Variants in SPATA17 observed in about 807,000 individuals in gnomAD.
SPATA17 encodes spermatogenesis-associated protein 17.
In SPATA17, 53 loss-of-function variants were observed where a neutral mutation model predicts 62.2. The ratio of observed to expected loss-of-function variants is 0.85; its 90% confidence interval spans 0.68 to 1.07. SPATA17 has a LOEUF of 1.07. SPATA17 is among the 50% of genes least tolerant of loss of function. The pLI, the probability that SPATA17 is intolerant of heterozygous loss-of-function variation, is 0.00. For synonymous variants in SPATA17, 146 were observed against 146.8 expected (o/e 0.99, Z 0.04); for missense variants, 466 against 425.5 (o/e 1.10, Z -0.84).
intron 6 of SPATA17, among the ~76,000 whole-genome samples, chr1:217,758,648 T>C (rs1558038582): frequency 6.6e-6 from 1 of 152,300 alleles, no homozygotes; most frequent in East Asian, 1.9e-4. Context: ...CCAGTGGGTA[T>C]GGCAAGATGA....
At chr1:217,658,443 T>C (rs1670488436) in intron 3 of SPATA17, among the ~76,000 whole-genome samples, 1 of 152,150 alleles carries the variant, frequency 6.6e-6, no homozygotes, top group African/African-American at 2.4e-5. Flanking sequence ...ATGAGCCAAA[T>C]TGACCTCTTT....
rs542194675 is a variant in SPATA17, at chr1:217,722,390, C to T, written c.396-19585C>T. On this transcript the variant is annotated intron_variant, in intron 5 of 10. Transcript: ENST00000366933. ...ATATATTTAGGAAACTTATTTATAT[C>T]GGCTCCACATTATTTTCTGTAACTT... 1.1e-4 allele frequency among the ~76,000 whole-genome samples: 17 copies of T among 151,690 alleles called. 1 individual carries two copies. Among genetic ancestry groups the T allele is most frequent in the South Asian group, 6.3e-4 (3 of 4,794 alleles).
chr1:217,687,481 T>C (rs1311626139), intron 5 of SPATA17, among the ~76,000 whole-genome samples: 1 of 152,232 alleles, frequency 6.6e-6, no homozygotes. Flanking sequence ...GTACGACATT[T>C]ATGACAGTGG....
intron 5 of SPATA17, among the ~76,000 whole-genome samples, chr1:217,710,433 G>A (rs188332407): frequency 2.8e-4 from 42 of 152,174 alleles, no homozygotes; most frequent in Admixed American, 2.4e-3. Context: ...TAAGATCAGT[G>A]TAATATATTC....
chr1:217,862,167 G>C (rs1253190001), intron 9 of SPATA17, among the ~76,000 whole-genome samples: 2 of 151,746 alleles, frequency 1.3e-5, no homozygotes, highest in African/African-American at 4.8e-5. Context: ...TTTGTTTACA[G>C]CATTCATTGT....
chr1:217,820,066 A>G (rs1019064913), intron 9 of SPATA17, among the ~76,000 whole-genome samples: 20 of 152,076 alleles, frequency 1.3e-4, no homozygotes, highest in African/African-American at 4.8e-4. Flanking sequence ...TGCAGACAAT[A>G]TGGACTTTCA....
chr1:217,831,914 CAT>C (rs1675152176), intron 9 of SPATA17, among the ~76,000 whole-genome samples: 2 of 152,130 alleles, frequency 1.3e-5, no homozygotes, highest in Non-Finnish European at 2.9e-5. Flanking sequence ...AGTAGAAATT[CAT>C]ATGACTGAAT....
chr1:217,783,551 G>A (rs1182029465), intron 8 of SPATA17, among the ~76,000 whole-genome samples: 5 of 151,810 alleles, frequency 3.3e-5, no homozygotes, highest in African/African-American at 4.8e-5. Context: ...CACACATATC[G>A]TAGAAGATTA....
intron 9 of SPATA17, among the ~76,000 whole-genome samples, chr1:217,843,977 A>T (rs1360249647): frequency 6.6e-6 from 1 of 152,072 alleles, no homozygotes; most frequent in African/African-American, 2.4e-5. Flanking sequence ...AGAAGTATTT[A>T]TCAGGATTTT....
intron 8 of SPATA17, among the ~76,000 whole-genome samples, chr1:217,795,875 G>A (rs867936119): frequency 3.3e-5 from 5 of 151,834 alleles, no homozygotes; most frequent in African/African-American, 1.2e-4. Context: ...CGTGACTCAC[G>A]GCAGCTTTGA....
intron 5 of SPATA17, among the ~76,000 whole-genome samples, chr1:217,698,741 T>C (rs1671523308): frequency 1.3e-5 from 2 of 152,160 alleles, no homozygotes; most frequent in South Asian, 4.1e-4. Flanking sequence ...TGTGTGTAGT[T>C]AGGTCTATGC....
rs1167765383 is a variant in SPATA17 at position 217,826,922 on chromosome 1, G to A, written c.1005+25072G>A. ...CTTACAGTGTTTTTCTGATGATGGA[G>A]GACTATATAAACTATACTCAACATG... On this transcript the variant is annotated intron_variant, in intron 9 of 10. Coordinates refer to ENST00000366933, the MANE Select transcript of SPATA17 (RefSeq NM_138796.4). 2.0e-5 allele frequency among the ~76,000 whole-genome samples: 3 copies of A among 151,992 alleles called. No individual in the cohort carries two copies. In the East Asian group the frequency reaches 5.8e-4, roughly 29 times the overall value.
chr1:217,714,321 A>G (rs73095332), intron 5 of SPATA17, among the ~76,000 whole-genome samples: 38,034 of 151,174 alleles, frequency 0.25, 5,227 homozygotes, highest in African/African-American at 0.35. Flanking sequence ...CCCGGGAGGC[A>G]GAGGTTGCAG....
At chr1:217,842,608 T>C (rs1675435397) in intron 9 of SPATA17, among the ~76,000 whole-genome samples, 2 of 151,950 alleles carry the variant, frequency 1.3e-5, no homozygotes. Flanking sequence ...AATATTTAAT[T>C]CGATAGCATA....
At chr1:217,810,384 C>G (rs894048958) in intron 9 of SPATA17, among the ~76,000 whole-genome samples, 1 of 152,020 alleles carries the variant, frequency 6.6e-6, no homozygotes, top group Non-Finnish European at 1.5e-5. Context: ...AAGAAACTAC[C>G]TGGCCAAGGC....
At chr1:217,745,687 T>C (rs536066122) in intron 6 of SPATA17, among the ~76,000 whole-genome samples, 1 of 152,198 alleles carries the variant, frequency 6.6e-6, no homozygotes, top group South Asian at 2.1e-4. Flanking sequence ...TGCCATCTAA[T>C]AGTACTGTGC....
At chr1:217,669,175 T>C in intron 4 of SPATA17, 92 bp downstream of exon 4, 1 of 1,035,430 alleles carries the variant, frequency 9.7e-7, no homozygotes, top group Non-Finnish European at 1.5e-6. Flanking sequence ...TAATGCAAAT[T>C]TGATTGATAT....
At position 217,745,560 on chromosome 1, in the gene SPATA17, T is replaced by C. The variant is rs181418028; in HGVS notation, c.519+3462T>C. Among the ~76,000 whole-genome samples the C allele has an allele frequency of 7.9e-5, 12 of 152,256 alleles. No homozygotes were observed. In the East Asian group the frequency reaches 2.3e-3, roughly 29 times the overall value. ...ACATGCTACAAGTCAGAACTATTAA[T>C]ACAAACTGTCTCCATCTAAACAAAA... On this transcript the variant is annotated intron_variant, in intron 6 of 10. Transcript: ENST00000366933.
chr1:217,748,026 G>A (rs756329655), intron 6 of SPATA17, among the ~76,000 whole-genome samples: 7 of 151,950 alleles, frequency 4.6e-5, no homozygotes, highest in Non-Finnish European at 1.0e-4. Flanking sequence ...AAACTTGGCC[G>A]GGCGCGGTGG....
Sources: allele counts gnomAD v4.1 joint callset (sites outside exome capture counted in the v4.1 genomes callset), GRCh38; gene constraint gnomAD v4.1.1; transcripts MANE v1.5; gene names NCBI Gene and HGNC (gene_info 2026-07-23, HGNC 2026-07-21).